PLOD2: variants seen among roughly 807,000 people sequenced by gnomAD.
PLOD2 encodes the protein procollagen-lysine,2-oxoglutarate 5-dioxygenase 2, also known as lysine hydroxylase 2.
Under a neutral mutation model 101.0 loss-of-function variants are expected in PLOD2, and 65 were observed. The observed-to-expected ratio is 0.64, with a 90% confidence interval of 0.53 to 0.79. The LOEUF is 0.79. Among genes scored for constraint, PLOD2 ranks in the 30% least tolerant of loss-of-function variants. The pLI, the probability that PLOD2 is intolerant of heterozygous loss-of-function variation, is 0.00. For synonymous variants in PLOD2, 314 were observed against 302.9 expected, an observed-to-expected ratio of 1.04 and a Z score of -0.38; for missense variants, 909 against 914.6, an observed-to-expected ratio of 0.99 and a Z score of 0.08.
intron 14 of PLOD2, chr3:146,077,447 T>C (rs79464676): frequency 5.9e-6 from 1 of 168,090 alleles, no homozygotes; most frequent in Non-Finnish European, 1.3e-5. Context: ...CAAACACCAC[T>C]AGGTAATGTG....
intron 12 of PLOD2, among the ~76,000 whole-genome samples, chr3:146,080,870 C>T (rs978146792): frequency 1.3e-5 from 2 of 152,174 alleles, no homozygotes; most frequent in Non-Finnish European, 2.9e-5. Context: ...TTACATCATT[C>T]AGATTGAAGC....
At chr3:146,074,541 T>A (rs1221133281) in intron 15 of PLOD2, among the ~76,000 whole-genome samples, 1 of 151,492 alleles carries the variant, frequency 6.6e-6, no homozygotes, top group Non-Finnish European at 1.5e-5. Flanking sequence ...CATGTTTATA[T>A]AGTATATATG....
intron 3 of PLOD2, among the ~76,000 whole-genome samples, chr3:146,110,707 A>G (rs1241846902): frequency 6.6e-6 from 1 of 152,072 alleles, no homozygotes; most frequent in Non-Finnish European, 1.5e-5. Flanking sequence ...TTTTTTTTTC[A>G]GGAATCACTT....
At chr3:146,148,457 G>C (rs1228573261) in intron 1 of PLOD2, among the ~76,000 whole-genome samples, 2 of 151,178 alleles carry the variant, frequency 1.3e-5, no homozygotes, top group African/African-American at 4.9e-5. Flanking sequence ...TAAATCAGAG[G>C]AATGAGAAAA....
At chr3:146,144,359 C>T (rs1228901881) in intron 1 of PLOD2, among the ~76,000 whole-genome samples, 1 of 152,050 alleles carries the variant, frequency 6.6e-6, no homozygotes, top group East Asian at 1.9e-4. Flanking sequence ...CTATTTTCCC[C>T]TAAAACCTTG....
At position 146,070,252 on chromosome 3, in the gene PLOD2, T is replaced by G. The variant is rs1361812639; in HGVS notation, c.*465A>C. On this transcript the variant is annotated 3_prime_UTR_variant, in exon 20 of 20. Transcript: ENST00000282903. ...GTGTTCAGAAAAATACTTAGTTGCATACAAATCCAGTTAGAATCTGATTTT... is the reference window on the plus strand; with the variant it reads ...GTGTTCAGAAAAATACTTAGTTGCAGACAAATCCAGTTAGAATCTGATTTT... 6.5e-6 allele frequency: 1 copy of G among 154,276 alleles called. No individual in the cohort carries two copies. Among genetic ancestry groups the G allele is most frequent in the Non-Finnish European group, 1.4e-5 (1 of 69,678 alleles). 9.6% of individuals were successfully genotyped at this position (154,276 alleles called of 1,614,324 possible).
intron 1 of PLOD2, among the ~76,000 whole-genome samples, chr3:146,145,298 G>C (rs2031725879): frequency 6.6e-6 from 1 of 152,092 alleles, no homozygotes; most frequent in South Asian, 2.1e-4. Flanking sequence ...AATAAACCTA[G>C]ATAGGCATGT....
At chr3:146,145,598 A>T (rs1683516304) in intron 1 of PLOD2, among the ~76,000 whole-genome samples, 1 of 152,208 alleles carries the variant, frequency 6.6e-6, no homozygotes, top group Non-Finnish European at 1.5e-5. Flanking sequence ...AGTAAAAAAC[A>T]ATTACATAAA....
chr3:146,110,461 GA>G lies in PLOD2; in HGVS notation c.339-14del. 1 of 1,577,480 alleles carries G rather than the reference GA, an allele frequency of 6.3e-7. No homozygotes were observed. Among genetic ancestry groups the G allele is most frequent in the Non-Finnish European group, 8.6e-7 (1 of 1,161,972 alleles). Reference sequence around the variant, plus strand: ...TATGACATCAAAGCTGTTCAATGAGGAAAAAATGTGTTTTAAAATACACTTG... The same window carrying G: ...TATGACATCAAAGCTGTTCAATGAGGAAAAATGTGTTTTAAAATACACTTG... On this transcript the variant is annotated splice_polypyrimidine_tract_variant and intron_variant, in intron 3 of 19. Coordinates refer to ENST00000282903, the MANE Select transcript of PLOD2 (RefSeq NM_182943.3).
chr3:146,126,992 C>A (rs1012764964), intron 1 of PLOD2, among the ~76,000 whole-genome samples: 1 of 151,992 alleles, frequency 6.6e-6, no homozygotes, highest in Non-Finnish European at 1.5e-5. Flanking sequence ...GTTTAAAAAT[C>A]CCTATAATTA....
intron 1 of PLOD2, among the ~76,000 whole-genome samples, chr3:146,148,829 C>T (rs2031920160): frequency 6.6e-6 from 1 of 152,198 alleles, no homozygotes; most frequent in Non-Finnish European, 1.5e-5. Context: ...ACAAATTCAG[C>T]ACTATACACT....
chr3:146,157,180 TTCA>T (rs575954016), intron 1 of PLOD2, among the ~76,000 whole-genome samples: 77 of 152,320 alleles, frequency 5.1e-4, no homozygotes, highest in African/African-American at 1.7e-3. Flanking sequence ...CACGCTACTT[TTCA>T]TAATTCTCAG....
intron 1 of PLOD2, among the ~76,000 whole-genome samples, chr3:146,137,273 CTCTA>C (rs1042878723): frequency 6.6e-6 from 1 of 152,118 alleles, no homozygotes; most frequent in African/African-American, 2.4e-5. Context: ...CAGTAAGAAG[CTCTA>C]TCTGCCACAT....
chr3:146,115,498 T>C (rs538441255), intron 3 of PLOD2, among the ~76,000 whole-genome samples: 2 of 152,226 alleles, frequency 1.3e-5, no homozygotes, highest in South Asian at 4.1e-4. Context: ...CCTTCACTCC[T>C]CTCTTTCCAT....
chr3:146,160,157 G>A (rs1037352122), intron 1 of PLOD2, among the ~76,000 whole-genome samples: 6 of 152,176 alleles, frequency 3.9e-5, no homozygotes, highest in Non-Finnish European at 7.3e-5. Flanking sequence ...GCCACAAAAG[G>A]CAGCAAAGCA....
At chr3:146,088,000 T>C (rs1035697207) in intron 9 of PLOD2, among the ~76,000 whole-genome samples, 1 of 151,656 alleles carries the variant, frequency 6.6e-6, no homozygotes, top group Non-Finnish European at 1.5e-5. Flanking sequence ...TTCTAGACAA[T>C]GTTAAATACC....
At chr3:146,121,303 T>C (rs1377191245) in intron 2 of PLOD2, 55 bp from the exon 3 acceptor site, 6 of 1,473,606 alleles carry the variant, frequency 4.1e-6, no homozygotes, top group East Asian at 4.5e-5. Context: ...ATGAAAGTAC[T>C]ATGAAAAACT....
rs149663957 is a variant in PLOD2 at position 146,155,502 on chromosome 3, G to C, written c.109+5379C>G. ...CCGAGGGGGTTGGATCACGAGGTCA[G>C]GAGTTCAAGACCAGCCTAGCCAAGA... is the stretch of plus-strand genomic sequence containing the variant. On this transcript the variant is annotated intron_variant, in intron 1 of 19. Transcript: ENST00000282903. Among the ~76,000 whole-genome samples the C allele has an allele frequency of 5.5e-3, 839 of 151,796 alleles. 8 individuals are homozygous for C. The highest frequency in any genetic ancestry group is 0.018 in the African/African-American group (765 of 41,378).
chr3:146,110,500 C>A, intron 3 of PLOD2, 52 bp from the exon 4 acceptor site: 5 of 1,433,852 alleles, frequency 3.5e-6, no homozygotes, highest in Non-Finnish European at 4.8e-6. Context: ...AGAATCTAGG[C>A]ACATAAACCA....
Sources: allele counts gnomAD v4.1 joint callset (sites outside exome capture counted in the v4.1 genomes callset), GRCh38; gene constraint gnomAD v4.1.1; transcripts MANE v1.5; gene names NCBI Gene and HGNC (gene_info 2026-07-23, HGNC 2026-07-21).